Variants in ANKRD28 observed in about 807,000 individuals in gnomAD.
ANKRD28 encodes the protein ankyrin repeat domain 28.
ANKRD28 carries 44 observed loss-of-function variants against 126.5 expected under a neutral mutation model. That is an observed-to-expected ratio of 0.35 (90% CI 0.27 to 0.45). The LOEUF (loss-of-function observed/expected upper bound fraction) is 0.45, where lower values mean the gene tolerates loss of function less well. Among genes scored for constraint, ANKRD28 ranks in the 20% least tolerant of loss-of-function variants. ANKRD28 has a pLI of 1.00. For synonymous variants in ANKRD28, 442 were observed against 468.5 expected (o/e 0.94, Z 0.73); for missense variants, 1,110 against 1,316.6 (o/e 0.84, Z 2.43).
chr3:15,747,865 G>T (rs2057586199), intron 4 of ANKRD28, among the ~76,000 whole-genome samples: 1 of 152,088 alleles, frequency 6.6e-6, no homozygotes, highest in Non-Finnish European at 1.5e-5. Flanking sequence ...TATAAATTTG[G>T]GAGCTCCAGT....
At position 15,815,832 on chromosome 3, in the gene ANKRD28, A is replaced by C. The variant is rs1038372297; in HGVS notation, c.28-20526T>G. On this transcript the variant is annotated intron_variant, in intron 1 of 27. Transcript: ENST00000399451. The surrounding 1 kb of genome is among the most constrained non-coding windows in gnomAD (Gnocchi z 4.1). Reference sequence around the variant, plus strand: ...CCTCATCAGAAAATATTAAAGGTACATTATTTTAGGTTCTACAGCATGTAA... The same window carrying C: ...CCTCATCAGAAAATATTAAAGGTACCTTATTTTAGGTTCTACAGCATGTAA... Among the ~76,000 whole-genome samples the C allele has an allele frequency of 6.6e-6, 1 of 152,176 alleles. No individual in the cohort carries two copies. The highest frequency in any genetic ancestry group is 1.5e-5 in the Non-Finnish European group (1 of 68,034).
intron 3 of ANKRD28, chr3:15,756,435 C>T (rs538136104): frequency 3.9e-4 from 350 of 904,270 alleles, no homozygotes; most frequent in Middle Eastern, 5.7e-4. Context: ...TCTAGCTATT[C>T]GGAAATAAAA....
intron 1 of ANKRD28, among the ~76,000 whole-genome samples, chr3:15,825,804 A>T (rs961866935): frequency 6.6e-6 from 1 of 152,210 alleles, no homozygotes; most frequent in Non-Finnish European, 1.5e-5. Flanking sequence ...AAAATAGGCA[A>T]TTCACAAAAA....
rs982132068 is a variant in ANKRD28 at position 15,833,631 on chromosome 3, C to A, written c.27+25746G>T. ...CCTAATACAGCACCCTTGGCAACAT[C>A]TGTTGTTTTTTTGACCTTTTAATAG... On this transcript the variant is annotated intron_variant, in intron 1 of 27. Coordinates refer to the ANKRD28 transcript ENST00000399451. This position sits in a 1 kb window ranked among gnomAD's most constrained non-coding sequence, Gnocchi z 4.4. Among the ~76,000 whole-genome samples the A allele has an allele frequency of 1.3e-5, 2 of 151,414 alleles. No individual in the cohort carries two copies. Among genetic ancestry groups the A allele is most frequent in the African/African-American group, 4.8e-5 (2 of 41,268 alleles).
intron 1 of ANKRD28, among the ~76,000 whole-genome samples, chr3:15,855,333 T>TA (rs567990568): frequency 2.6e-4 from 40 of 151,714 alleles, no homozygotes; most frequent in African/African-American, 9.7e-4. Flanking sequence ...CAACCCTGTT[T>TA]AAAAAAACAA....
chr3:15,707,789 C>A, intron 14 of ANKRD28, 135 bp downstream of exon 14: 1 of 1,085,886 alleles, frequency 9.2e-7, no homozygotes, highest in Non-Finnish European at 1.3e-6. Flanking sequence ...AATCTATTTC[C>A]CAAAATAGAC....
chr3:15,822,026 G>A (rs549227494), intron 1 of ANKRD28, among the ~76,000 whole-genome samples: 1 of 152,272 alleles, frequency 6.6e-6, no homozygotes, highest in South Asian at 2.1e-4. Flanking sequence ...GAAGAAGCTG[G>A]AGAAGGAGAT....
intron 14 of ANKRD28, among the ~76,000 whole-genome samples, chr3:15,699,770 C>T (rs1213176954): frequency 6.6e-6 from 1 of 152,208 alleles, no homozygotes; most frequent in African/African-American, 2.4e-5. Context: ...AATAGGCATG[C>T]TTTTACACTG....
At chr3:15,764,193 T>G (rs1375294453) in intron 3 of ANKRD28, among the ~76,000 whole-genome samples, 1 of 152,202 alleles carries the variant, frequency 6.6e-6, no homozygotes, top group Non-Finnish European at 1.5e-5. Context: ...CACTCCAGCC[T>G]GGGCGACAGA....
intron 3 of ANKRD28, among the ~76,000 whole-genome samples, chr3:15,759,990 G>A (rs756054998): frequency 6.6e-6 from 1 of 152,100 alleles, no homozygotes; most frequent in African/African-American, 2.4e-5. Context: ...AGACCAAGAA[G>A]GCATCTTTAT....
chr3:15,705,336 G>C (rs9826679), intron 14 of ANKRD28, among the ~76,000 whole-genome samples: 3,704 of 152,192 alleles, frequency 0.024, 162 homozygotes, highest in African/African-American at 0.082. Context: ...TTTTGTGTGT[G>C]TGTGAATTCA....
At chr3:15,819,165 C>G (rs1487078681) in intron 1 of ANKRD28, among the ~76,000 whole-genome samples, 1 of 152,062 alleles carries the variant, frequency 6.6e-6, no homozygotes, top group African/African-American at 2.4e-5. Flanking sequence ...GTAGTCCCAG[C>G]TACTTGGGAG....
chr3:15,825,386 A>C (rs1218805131), intron 1 of ANKRD28, among the ~76,000 whole-genome samples: 1 of 152,220 alleles, frequency 6.6e-6, no homozygotes, highest in East Asian at 1.9e-4. Context: ...AGTGATGCTC[A>C]ACAGTTTTCA....
intron 13 of ANKRD28, among the ~76,000 whole-genome samples, chr3:15,709,239 C>A (rs758552110): frequency 9.9e-5 from 15 of 152,114 alleles, no homozygotes; most frequent in Non-Finnish European, 2.2e-4. Flanking sequence ...TAACCTATTT[C>A]CTCCCTCTTA....
At chr3:15,773,595 C>A (rs1277959987) in intron 2 of ANKRD28, among the ~76,000 whole-genome samples, 2 of 151,642 alleles carry the variant, frequency 1.3e-5, no homozygotes, top group African/African-American at 4.8e-5. Context: ...CCTGCCTGGG[C>A]AACAGAGTAA....
intron 14 of ANKRD28, 100 bp from the exon 15 acceptor site, chr3:15,696,345 T>G (rs1484674229): frequency 1.4e-6 from 1 of 693,786 alleles, no homozygotes; most frequent in Admixed American, 3.3e-5. Flanking sequence ...TTTCTTATAC[T>G]TGAGTAATAT....
At chr3:15,719,101 G>C (rs891207717) in intron 8 of ANKRD28, among the ~76,000 whole-genome samples, 13 of 152,114 alleles carry the variant, frequency 8.5e-5, no homozygotes, top group Non-Finnish European at 1.8e-4. Flanking sequence ...AGATGGTTTA[G>C]CTCTAATCAT....
chr3:15,767,065 A>C (rs1232964116), intron 2 of ANKRD28, among the ~76,000 whole-genome samples: 1 of 152,212 alleles, frequency 6.6e-6, no homozygotes, highest in Non-Finnish European at 1.5e-5. Flanking sequence ...CATTCCTGCT[A>C]GTTTTACTTT....
chr3:15,849,287 T>C (rs917679873), intron 1 of ANKRD28, among the ~76,000 whole-genome samples: 3 of 152,152 alleles, frequency 2.0e-5, no homozygotes, highest in Non-Finnish European at 2.9e-5. Context: ...CTGGAAGAAA[T>C]TGACCCATGG....
Sources: allele counts gnomAD v4.1 joint callset (sites outside exome capture counted in the v4.1 genomes callset), GRCh38; gene constraint gnomAD v4.1.1; non-coding constraint Gnocchi (gnomAD v3.1); transcripts MANE v1.5; gene names NCBI Gene and HGNC (gene_info 2026-07-23, HGNC 2026-07-21).